Variants in CEACAM20 observed in about 807,000 individuals in gnomAD.
The protein encoded by CEACAM20 is CEA cell adhesion molecule 20.
Under a neutral mutation model 61.2 loss-of-function variants are expected in CEACAM20, and 50 were observed. The ratio of observed to expected loss-of-function variants is 0.82; its 90% CI spans 0.65 to 1.03. CEACAM20 has a LOEUF of 1.03. Among genes scored for constraint, CEACAM20 ranks in the 50% least tolerant of loss-of-function variants. CEACAM20 has a pLI of 0.00. For synonymous variants in CEACAM20, 282 were observed against 287.7 expected (o/e 0.98, Z 0.20); for missense variants, 683 against 736.4 (o/e 0.93, Z 0.84).
chr19:44,522,966 T>G, intron 3 of CEACAM20, 54 bp from the exon 4 acceptor site: 45 of 1,449,934 alleles, frequency 3.1e-5, no homozygotes, highest in Non-Finnish European at 4.0e-5. Context: ...AACAGGTCTC[T>G]TATGGAGGTC....
At chr19:44,510,405 C>T (rs1970936552) in intron 11 of CEACAM20, among the ~76,000 whole-genome samples, 2 of 151,452 alleles carry the variant, frequency 1.3e-5, no homozygotes, top group Admixed American at 6.6e-5. Flanking sequence ...CCTAGCTACT[C>T]GGGAAGCTGA....
chr19:44,506,977 C>T (rs532002220), intron 11 of CEACAM20, among the ~76,000 whole-genome samples: 1 of 152,228 alleles, frequency 6.6e-6, no homozygotes, highest in Non-Finnish European at 1.5e-5. Context: ...TGATGCCTCT[C>T]AAGTTGGAAT....
intron 10 of CEACAM20, 124 bp downstream of exon 10, chr19:44,511,513 C>T: frequency 1.0e-6 from 1 of 992,278 alleles, no homozygotes; most frequent in Non-Finnish European, 1.5e-6. Flanking sequence ...TCTTCCCATC[C>T]CTGGCCCTGT....
At chr19:44,529,392 A>C in intron 1 of CEACAM20, 66 bp downstream of exon 1, 9 of 1,131,004 alleles carry the variant, frequency 8.0e-6, no homozygotes, top group Non-Finnish European at 1.2e-5. Flanking sequence ...ACACACACAC[A>C]CACCGCTGAC....
rs1387806651 is a variant in CEACAM20, at chr19:44,522,916, A to C, written c.473-4T>G. Reference sequence around the variant, plus strand: ...ATTTCAACAGGATCAGGACCATCTGAGAGGACAGGAACAATTACAGCAGTA... The same window carrying C: ...ATTTCAACAGGATCAGGACCATCTGCGAGGACAGGAACAATTACAGCAGTA... On this transcript the variant is annotated splice_region_variant and splice_polypyrimidine_tract_variant and intron_variant, in intron 3 of 11. Transcript: ENST00000614924. The C allele has an allele frequency of 1.3e-6, 2 of 1,596,674 alleles. No homozygotes were observed. The highest frequency in any genetic ancestry group is 2.3e-5 in the South Asian group (2 of 87,756).
At position 44,529,354 on chromosome 19, in the gene CEACAM20, GCACACACACACA is replaced by G. The variant is rs71940010; in HGVS notation, c.52+92_52+103del. On this transcript the variant is annotated intron_variant, in intron 1 of 11. Coordinates refer to ENST00000614924, the MANE Select transcript of CEACAM20 (RefSeq NM_001102597.3). ...TGCCTCCATCTCTTTTTCCTCGAGT[GCACACACACACA>G]CACACACACACACACACACACACAC... The G allele has an allele frequency of 9.5e-3, 6,248 of 658,810 alleles. 7 individuals carry two copies. The highest frequency in any genetic ancestry group is 0.027 in the Admixed American group (927 of 34,922). The allele number at this position is 658,810 out of a possible 1,614,324, so 40.8% of individuals were successfully genotyped here. A position where few individuals can be genotyped will look rare whatever the true frequency, so the allele number is the denominator to read the frequency against.
At chr19:44,529,391 CACACCGCT>C in intron 1 of CEACAM20, 59 bp downstream of exon 1, 3 of 1,265,630 alleles carry the variant, frequency 2.4e-6, no homozygotes, top group South Asian at 1.2e-5. Flanking sequence ...CACACACACA[CACACCGCT>C]GACAAATAGA....
In CEACAM20 at chr19:44,516,919, G is replaced by A. The variant is rs754970637; in HGVS notation, c.1309+27C>T. On this transcript the variant is annotated intron_variant, in intron 6 of 11. Coordinates refer to ENST00000614924, the MANE Select transcript of CEACAM20 (RefSeq NM_001102597.3). Reference sequence around the variant, plus strand: ...CATCAGGAAAGGCCCCTCGGGTCCTGGGAGAAGGCGACCCTGAGAGACTCA... The same window carrying A: ...CATCAGGAAAGGCCCCTCGGGTCCTAGGAGAAGGCGACCCTGAGAGACTCA... 3.2e-6 allele frequency: 5 copies of A among 1,577,206 alleles called. No homozygotes were observed. The Admixed American group carries it at 9.3e-5, about 29-fold the overall frequency.
chr19:44,528,162 C>CT (rs1360775211), intron 1 of CEACAM20, among the ~76,000 whole-genome samples: 2 of 96,116 alleles, frequency 2.1e-5, no homozygotes, highest in Non-Finnish European at 5.1e-5. Flanking sequence ...TCTTTCTTTT[C>CT]TTTCTTTCCT....
At chr19:44,506,846 T>C (rs1397128924) in intron 11 of CEACAM20, among the ~76,000 whole-genome samples, 2 of 152,242 alleles carry the variant, frequency 1.3e-5, no homozygotes, top group Admixed American at 6.5e-5. Context: ...AAGCAATGCC[T>C]GAACTCCTGA....
At chr19:44,521,387 G>A (rs183750257) in intron 4 of CEACAM20, among the ~76,000 whole-genome samples, 32 of 152,244 alleles carry the variant, frequency 2.1e-4, no homozygotes, top group Admixed American at 1.6e-3. Context: ...GTCCATTAGT[G>A]CATATTAGGT....
At chr19:44,520,206 C>G (rs1314171879) in intron 5 of CEACAM20, among the ~76,000 whole-genome samples, 1 of 152,176 alleles carries the variant, frequency 6.6e-6, no homozygotes, top group Non-Finnish European at 1.5e-5. Flanking sequence ...TGTTTGCCTC[C>G]CTGTAGACAA....
At chr19:44,524,300 T>G (rs1055474911) in intron 2 of CEACAM20, 39 bp from the exon 3 acceptor site, 1 of 1,581,092 alleles carries the variant, frequency 6.3e-7, no homozygotes, top group Non-Finnish European at 8.6e-7. Context: ...GAGACACAGG[T>G]AGAGGAAGAA....
At position 44,522,818 on chromosome 19, in the gene CEACAM20, C is replaced by T. The variant is rs372889795; in HGVS notation, c.567G>A (p.Ala189=). 1.1e-3 allele frequency: 1,789 copies of T among 1,613,074 alleles called. 1 individual carries two copies. Among genetic ancestry groups the T allele is most frequent in the Non-Finnish European group, 1.4e-3 (1,700 of 1,179,558 alleles). Residue 189 remains alanine (A), a synonymous_variant, in exon 4 of 12, where the codon GCG becomes GCA. Coordinates refer to ENST00000614924, the MANE Select transcript of CEACAM20 (RefSeq NM_001102597.3). Reference sequence around the variant, plus strand: ...CACAGGGTGGGTGAGACTTTGTTTCCGCTAAGAAGGTCATGCTGGAGCCCT... The same window carrying T: ...CACAGGGTGGGTGAGACTTTGTTTCTGCTAAGAAGGTCATGCTGGAGCCCT... ...VMEGSSMTFL[A]ETKSHPPCAY... is the part of the protein sequence containing the mutation.
intron 10 of CEACAM20, 102 bp from the exon 11 acceptor site, chr19:44,511,257 TCA>T: frequency 6.7e-7 from 1 of 1,482,646 alleles, no homozygotes; most frequent in South Asian, 1.3e-5. Flanking sequence ...AGGAATCTGT[TCA>T]GGTTCTTGCA....
At chr19:44,512,154 C>T (rs1568447652) in intron 8 of CEACAM20, 76 bp from the exon 9 acceptor site, 4 of 1,103,754 alleles carry the variant, frequency 3.6e-6, no homozygotes, top group Admixed American at 2.0e-5. Context: ...TCCAGGACCC[C>T]TGACCCCAGG....
At chr19:44,528,184 CTTTCTTTCT>C (rs1971592481) in intron 1 of CEACAM20, among the ~76,000 whole-genome samples, 4 of 125,542 alleles carry the variant, frequency 3.2e-5, no homozygotes, top group African/African-American at 1.1e-4. Flanking sequence ...TCTTTCTTTC[CTTTCTTTCT>C]TTCCTTTCTT....
chr19:44,511,132 A>G lies in CEACAM20; in HGVS notation c.1635T>C (p.Arg545=). The G allele has an allele frequency of 1.2e-6, 2 of 1,613,932 alleles. No individual in the cohort carries two copies. Among genetic ancestry groups the G allele is most frequent in the Non-Finnish European group, 1.7e-6 (2 of 1,179,858 alleles). The change falls in exon 11 of 12, where the codon CGT becomes CGC. Residue 545 remains arginine (R), a synonymous_variant. Transcript: ENST00000614924. Reference sequence around the variant, plus strand: ...TCCAGGGGCTGAAAGAATTGCCTCTACGGCTTGCTGAAGGCAGCTTCGTCT... The same window carrying G: ...TCCAGGGGCTGAAAGAATTGCCTCTGCGGCTTGCTGAAGGCAGCTTCGTCT... The part of the protein sequence containing the change: ...TYETKLPSAS[R]RGNSFSPWKP...
At chr19:44,522,221 A>T (rs1043416124) in intron 4 of CEACAM20, among the ~76,000 whole-genome samples, 11 of 151,818 alleles carry the variant, frequency 7.2e-5, no homozygotes, top group Admixed American at 7.2e-4. Flanking sequence ...CTCCTGCCTC[A>T]GCCTCCTGAG....
Sources: allele counts gnomAD v4.1 joint callset (sites outside exome capture counted in the v4.1 genomes callset), GRCh38; gene constraint gnomAD v4.1.1; transcripts MANE v1.5; gene names NCBI Gene and HGNC (gene_info 2026-07-23, HGNC 2026-07-21).